ACVR1C: variants seen among roughly 807,000 people sequenced by gnomAD.
ACVR1C encodes the protein activin A receptor type 1C, also known as activin receptor type-1C.
A neutral mutation model predicts 57.9 loss-of-function variants in ACVR1C; 23 were observed. The observed-to-expected ratio is 0.40, with a 90% CI of 0.29 to 0.56. The LOEUF is 0.56. ACVR1C is among the 20% of genes least tolerant of loss of function. The pLI, the probability that ACVR1C is intolerant of heterozygous loss-of-function variation, is 0.50. For synonymous variants in ACVR1C, 214 were observed against 215.3 expected, an observed-to-expected ratio of 0.99 and a Z score of 0.05; for missense variants, 480 against 607.9, an observed-to-expected ratio of 0.79 and a Z score of 2.21.
At chr2:157,537,924 C>T (rs1222017353) in intron 8 of ACVR1C, among the ~76,000 whole-genome samples, 2 of 152,152 alleles carry the variant, frequency 1.3e-5, no homozygotes, top group African/African-American at 4.8e-5. Context: ...AGATAAATAA[C>T]AATGGAGTCT....
At chr2:157,595,016 G>A (rs185757812) in intron 1 of ACVR1C, among the ~76,000 whole-genome samples, 2 of 152,318 alleles carry the variant, frequency 1.3e-5, no homozygotes, top group African/African-American at 4.8e-5. Context: ...GCTTATCAGC[G>A]TGGTGATTAA....
rs568955018 is a variant in ACVR1C at position 157,586,398 on chromosome 2, A to T, written c.304+789T>A. On this transcript the variant is annotated intron_variant, in intron 2 of 8. Transcript: ENST00000243349. ...AAAATGTTAATTTGTAAGGAAATATATGTATCTCTGTTATAGATACATCTG... is the reference window on the plus strand; with the variant it reads ...AAAATGTTAATTTGTAAGGAAATATTTGTATCTCTGTTATAGATACATCTG... Among the ~76,000 whole-genome samples the T allele has an allele frequency of 6.6e-5, 10 of 152,290 alleles. 1 individual carries two copies. In the South Asian group the frequency reaches 2.1e-3, roughly 32 times the overall value.
chr2:157,572,910 A>G (rs2105242002), intron 2 of ACVR1C, among the ~76,000 whole-genome samples: 1 of 152,272 alleles, frequency 6.6e-6, no homozygotes, highest in African/African-American at 2.4e-5. Flanking sequence ...TGATGGCAGA[A>G]CAATTCCACA....
intron 3 of ACVR1C, among the ~76,000 whole-genome samples, chr2:157,550,839 C>CA (rs1254934760): frequency 2.0e-5 from 3 of 151,242 alleles, no homozygotes; most frequent in Non-Finnish European, 4.4e-5. Context: ...AAACCAAGCT[C>CA]AAATTGGAAA....
At chr2:157,591,569 A>G (rs1689055341) in intron 1 of ACVR1C, among the ~76,000 whole-genome samples, 1 of 152,066 alleles carries the variant, frequency 6.6e-6, no homozygotes, top group African/African-American at 2.4e-5. Flanking sequence ...CTTCACTTGC[A>G]TATTTTAAGG....
At chr2:157,544,202 ATTTTTTT>A (rs765521635) in intron 5 of ACVR1C, among the ~76,000 whole-genome samples, 16 of 116,930 alleles carry the variant, frequency 1.4e-4, no homozygotes, top group Middle Eastern at 0.01. Context: ...CCACAACCAG[ATTTTTTT>A]TTTTTTTTTT....
intron 1 of ACVR1C, among the ~76,000 whole-genome samples, chr2:157,622,504 A>G (rs1414940517): frequency 1.3e-5 from 2 of 152,200 alleles, no homozygotes; most frequent in African/African-American, 4.8e-5. Context: ...TGCCAAGAAC[A>G]TACACTGGGG....
At position 157,542,868 on chromosome 2, in the gene ACVR1C, A is replaced by G. The variant is rs776585803; in HGVS notation, c.944-6T>C. ...ATGAGCAATAGCAGGTTTACCTATGAAGCAAAGAAGAACATATTCATTTTT... is the reference window on the plus strand; with the variant it reads ...ATGAGCAATAGCAGGTTTACCTATGGAGCAAAGAAGAACATATTCATTTTT... On this transcript the variant is annotated splice_polypyrimidine_tract_variant and splice_region_variant and intron_variant, in intron 5 of 8. Transcript: ENST00000243349. 5.6e-6 allele frequency: 9 copies of G among 1,613,020 alleles called. No homozygotes were observed. In the East Asian group the frequency reaches 1.3e-4, roughly 24 times the overall value.
chr2:157,541,049 T>C (rs762373286), intron 7 of ACVR1C, 41 bp downstream of exon 7: 2 of 1,599,132 alleles, frequency 1.3e-6, no homozygotes, highest in Non-Finnish European at 1.7e-6. Context: ...ATTCAGAGTA[T>C]CAAGGAAAGG....
In ACVR1C at chr2:157,544,428, G is replaced by C. The variant is rs374204371; in HGVS notation, c.943+17C>G. 24 of 1,585,688 alleles carry C rather than the reference G, an allele frequency of 1.5e-5. No individual in the cohort carries two copies. The Middle Eastern group carries it at 5.1e-4, about 34-fold the overall frequency. The stretch of plus-strand genomic sequence containing the variant: ...CTCATATTCAAAGTGGAAAAAAAAT[G>C]AAAAGGAAATACATACCTTGTGTAC... On this transcript the variant is annotated intron_variant, in intron 5 of 8. Transcript: ENST00000243349.
chr2:157,562,259 C>T (rs988411418), intron 2 of ACVR1C, among the ~76,000 whole-genome samples: 4 of 147,474 alleles, frequency 2.7e-5, no homozygotes, highest in Non-Finnish European at 4.5e-5. Flanking sequence ...CGCGCCACTG[C>T]ACTGCAGCCT....
At chr2:157,560,036 GT>G (rs921726837) in intron 2 of ACVR1C, among the ~76,000 whole-genome samples, 1 of 152,008 alleles carries the variant, frequency 6.6e-6, no homozygotes, top group African/African-American at 2.4e-5. Context: ...ATCTTTGTGA[GT>G]TTTGCAACTC....
chr2:157,587,078 A>G, intron 2 of ACVR1C, 109 bp downstream of exon 2: 5 of 1,054,326 alleles, frequency 4.7e-6, no homozygotes, highest in South Asian at 1.7e-5. Context: ...AGAGAACTGT[A>G]AAACAGATTT....
At chr2:157,557,349 G>C (rs1688129260) in intron 2 of ACVR1C, among the ~76,000 whole-genome samples, 1 of 152,178 alleles carries the variant, frequency 6.6e-6, no homozygotes, top group Non-Finnish European at 1.5e-5. Flanking sequence ...AAAGTGAATA[G>C]GCCAATTAGA....
At chr2:157,566,773 G>C (rs892635918) in intron 2 of ACVR1C, among the ~76,000 whole-genome samples, 2 of 151,814 alleles carry the variant, frequency 1.3e-5, no homozygotes, top group Non-Finnish European at 2.9e-5. Flanking sequence ...AGGCGGCAAC[G>C]AGGCTGGGGG....
chr2:157,552,329 C>T (rs1687942721), intron 3 of ACVR1C, among the ~76,000 whole-genome samples: 1 of 152,148 alleles, frequency 6.6e-6, no homozygotes. Flanking sequence ...GAAGAGGTTT[C>T]ACCATGTTGG....
chr2:157,565,921 A>T (rs966204778), intron 2 of ACVR1C, among the ~76,000 whole-genome samples: 6 of 152,222 alleles, frequency 3.9e-5, no homozygotes, highest in African/African-American at 1.2e-4. Flanking sequence ...TAAAGAAACA[A>T]GAATCTTGGA....
chr2:157,560,851 C>T (rs11691149), intron 2 of ACVR1C, among the ~76,000 whole-genome samples: 52,356 of 152,032 alleles, frequency 0.34, 9,536 homozygotes, highest in Non-Finnish European at 0.4. Flanking sequence ...AGTGGAGGTA[C>T]GTACTTGATC....
chr2:157,581,108 T>C (rs1023477315), intron 2 of ACVR1C, among the ~76,000 whole-genome samples: 3 of 152,032 alleles, frequency 2.0e-5, no homozygotes, highest in African/African-American at 7.2e-5. Flanking sequence ...CCCAAGAAGC[T>C]GGCAGAAGCT....
Sources: gnomAD v4.1 joint callset for allele counts (sites outside exome capture counted in the v4.1 genomes callset) on GRCh38, gnomAD v4.1.1 for gene constraint, MANE v1.5 for transcripts, NCBI Gene and HGNC (gene_info 2026-07-23, HGNC 2026-07-21) for gene names.